Variants in IL1RAPL1 observed in about 807,000 individuals in gnomAD.
IL1RAPL1 encodes interleukin 1 receptor accessory protein like 1.
In IL1RAPL1, 3 loss-of-function variants were observed where a neutral mutation model predicts 48.4. The ratio of observed to expected loss-of-function variants is 0.06; its 90% CI spans 0.03 to 0.16. The LOEUF (loss-of-function observed/expected upper bound fraction) is 0.16, where lower values mean the gene tolerates loss of function less well. Among genes scored for constraint, IL1RAPL1 ranks in the 10% least tolerant of loss-of-function variants. IL1RAPL1 has a pLI of 1.00. For synonymous variants in IL1RAPL1, 185 were observed against 187.7 expected (o/e 0.99, Z 0.12); for missense variants, 349 against 530.6 (o/e 0.66, Z 3.36).
chrX:29,286,535 A>G (rs1369480733), intron 3 of IL1RAPL1, among the ~76,000 whole-genome samples: 2 of 110,505 alleles, frequency 1.8e-5, no homozygotes, highest in Non-Finnish European at 3.8e-5. Flanking sequence ...GAAACTGTTT[A>G]AAAATTAGCC....
At chrX:29,333,630 G>A (rs1245250841) in intron 3 of IL1RAPL1, among the ~76,000 whole-genome samples, 1 of 80,375 alleles carries the variant, frequency 1.2e-5, no homozygotes, top group Non-Finnish European at 2.4e-5. Flanking sequence ...CGGGCAGAGG[G>A]GCTCCTCACT....
At chrX:29,114,036 A>G (rs917659933) in intron 2 of IL1RAPL1, among the ~76,000 whole-genome samples, 1 of 111,026 alleles carries the variant, frequency 9.0e-6, no homozygotes, top group Non-Finnish European at 1.9e-5. Flanking sequence ...TCTTCTTTAG[A>G]ATTTTCCATT....
intron 5 of IL1RAPL1, among the ~76,000 whole-genome samples, chrX:29,443,366 A>T (rs767460739): frequency 1.8e-5 from 2 of 109,946 alleles, no homozygotes; most frequent in Non-Finnish European, 3.8e-5. Context: ...TCTCTATATA[A>T]CTCTTTTACA....
chrX:29,875,631 T>G (rs1931886069), intron 6 of IL1RAPL1, among the ~76,000 whole-genome samples: 1 of 111,803 alleles, frequency 8.9e-6, no homozygotes, highest in African/African-American at 3.3e-5. Context: ...AGTCTAGAGT[T>G]CTACAAGAGG....
chrX:29,249,585 A>G (rs1931571068), intron 2 of IL1RAPL1, among the ~76,000 whole-genome samples: 1 of 111,808 alleles, frequency 8.9e-6, no homozygotes, highest in African/African-American at 3.3e-5. Flanking sequence ...TTTTTCCTTC[A>G]GAGTCTCAGT....
At chrX:29,572,854 A>G (rs1040663913) in intron 5 of IL1RAPL1, among the ~76,000 whole-genome samples, 1 of 112,819 alleles carries the variant, frequency 8.9e-6, no homozygotes, top group African/African-American at 3.2e-5. Context: ...CCCAAATAGC[A>G]ATACATTCCA....
At chrX:29,177,820 A>G (rs1930057033) in intron 2 of IL1RAPL1, among the ~76,000 whole-genome samples, 1 of 110,269 alleles carries the variant, frequency 9.1e-6, no homozygotes, top group South Asian at 3.9e-4. Flanking sequence ...TTCAGTTCCC[A>G]CTTATGAGTG....
At chrX:28,670,508 G>A (rs770941434) in intron 1 of IL1RAPL1, among the ~76,000 whole-genome samples, 1 of 112,084 alleles carries the variant, frequency 8.9e-6, no homozygotes, top group African/African-American at 3.2e-5. Flanking sequence ...TCACAATATA[G>A]CAGAATTGTT....
At chrX:29,904,358 CTTT>C (rs1177207089) in intron 6 of IL1RAPL1, among the ~76,000 whole-genome samples, 1 of 102,977 alleles carries the variant, frequency 9.7e-6, no homozygotes, top group South Asian at 4.1e-4. Flanking sequence ...ATTGCTGATT[CTTT>C]TTTTAATTTT....
intron 1 of IL1RAPL1, among the ~76,000 whole-genome samples, chrX:28,666,400 T>G (rs1934879660): frequency 9.0e-6 from 1 of 111,384 alleles, no homozygotes; most frequent in Non-Finnish European, 1.9e-5. Flanking sequence ...CTTATAAGAC[T>G]GTCAAAGAGG....
At chrX:29,552,717 T>C (rs1056777844) in intron 5 of IL1RAPL1, among the ~76,000 whole-genome samples, 2 of 110,010 alleles carry the variant, frequency 1.8e-5, no homozygotes, top group Admixed American at 9.8e-5. Flanking sequence ...CCTAAATCTG[T>C]ATTTATTGTA....
At chrX:29,933,673 AGAG>A (rs1477119083) in intron 8 of IL1RAPL1, among the ~76,000 whole-genome samples, 1 of 108,021 alleles carries the variant, frequency 9.3e-6, no homozygotes, top group African/African-American at 3.4e-5. Context: ...AAAAAAAAAA[AGAG>A]AGAGAAGACA....
At chrX:29,076,368 C>T (rs755661500) in intron 2 of IL1RAPL1, among the ~76,000 whole-genome samples, 9 of 111,901 alleles carry the variant, frequency 8.0e-5, no homozygotes, top group Admixed American at 6.6e-4. Context: ...GTATACCTAC[C>T]TCCAAACAGT....
intron 2 of IL1RAPL1, among the ~76,000 whole-genome samples, chrX:29,085,757 G>A (rs1036271660): frequency 2.7e-5 from 3 of 111,759 alleles, no homozygotes; most frequent in Non-Finnish European, 5.6e-5. Flanking sequence ...AAACTGGAGA[G>A]CTACAGCCCA....
chrX:29,098,023 A>T (rs1445278721), intron 2 of IL1RAPL1, among the ~76,000 whole-genome samples: 1 of 112,161 alleles, frequency 8.9e-6, no homozygotes, highest in Non-Finnish European at 1.9e-5. Context: ...CACTTTACCC[A>T]ATTTACTAGA....
At chrX:29,384,765 TAAATG>T (rs1381750348) in intron 3 of IL1RAPL1, among the ~76,000 whole-genome samples, 1 of 111,917 alleles carries the variant, frequency 8.9e-6, no homozygotes. Context: ...ATGTCACAAA[TAAATG>T]AAGCAACTTT....
At chrX:29,053,461 T>C (rs1927142752) in intron 2 of IL1RAPL1, among the ~76,000 whole-genome samples, 2 of 112,186 alleles carry the variant, frequency 1.8e-5, no homozygotes, top group African/African-American at 6.5e-5. Context: ...CACACTGCTT[T>C]CCACAATGGA....
intron 1 of IL1RAPL1, among the ~76,000 whole-genome samples, chrX:28,718,711 A>G (rs1935534053): frequency 8.9e-6 from 1 of 112,141 alleles, no homozygotes; most frequent in East Asian, 2.8e-4. Flanking sequence ...TTACAAATGT[A>G]ACATCTTACA....
chrX:28,944,412 T>C (rs1924242807), intron 2 of IL1RAPL1, among the ~76,000 whole-genome samples: 1 of 111,219 alleles, frequency 9.0e-6, no homozygotes, highest in African/African-American at 3.3e-5. Flanking sequence ...CGATCTCATA[T>C]CCACTGGGTA....
Sources: gnomAD v4.1 joint callset for allele counts (sites outside exome capture counted in the v4.1 genomes callset) on GRCh38, gnomAD v4.1.1 for gene constraint, MANE v1.5 for transcripts, NCBI Gene and HGNC (gene_info 2026-07-23, HGNC 2026-07-21) for gene names.